SLC9A7: variants seen among roughly 807,000 people sequenced by gnomAD.
The protein encoded by SLC9A7 is solute carrier family 9 member A7, also known as sodium/hydrogen exchanger 7.
Under a neutral mutation model 52.6 loss-of-function variants are expected in SLC9A7, and 19 were observed. That is an observed-to-expected ratio of 0.36 (90% CI 0.25 to 0.53). SLC9A7 has a LOEUF of 0.53. SLC9A7 is among the 20% of genes least tolerant of loss of function. The pLI is 0.91. For missense variants in SLC9A7, 455 were observed against 597.9 expected (o/e 0.76, Z 2.49); for synonymous variants, 226 against 252.1 (o/e 0.90, Z 0.98).
In SLC9A7 at chrX:46,606,572, C is replaced by T; in HGVS notation, c.*380G>A. The T allele has an allele frequency of 1.2e-6, 1 of 809,892 alleles. No homozygotes were observed. The highest frequency in any genetic ancestry group is 1.5e-6 in the Non-Finnish European group (1 of 674,824). 66.7% of individuals were successfully genotyped at this position (809,892 alleles called of 1,213,427 possible). On this transcript the variant is annotated 3_prime_UTR_variant, in exon 17 of 17. Coordinates refer to ENST00000616978, the MANE Select transcript of SLC9A7 (RefSeq NM_001257291.2). ...AATTCTATGGTCAGCTTGACTTGCA[C>T]TGCTGTGTACTGAGATGCAGCCTCT... is the stretch of plus-strand genomic sequence containing the variant.
At chrX:46,680,367 C>A (rs1270882264) in intron 2 of SLC9A7, among the ~76,000 whole-genome samples, 6 of 107,995 alleles carry the variant, frequency 5.6e-5, no homozygotes, top group Non-Finnish European at 1.2e-4. Flanking sequence ...AAAAAAAAAT[C>A]TTGATTTTCA....
In SLC9A7 at chrX:46,606,908, C is replaced by G. The variant is rs547251843; in HGVS notation, c.*44G>C. 1.7e-6 allele frequency: 2 copies of G among 1,206,147 alleles called. No individual in the cohort carries two copies. On this transcript the variant is annotated 3_prime_UTR_variant, in exon 17 of 17. Transcript: ENST00000616978. ...CACTAGGGCTTGCAGCTGTCCTCAC[C>G]CCATCGGGAGCCTACCCCATCGCGC...
chrX:46,715,152 C>A (rs1944750115), intron 1 of SLC9A7, among the ~76,000 whole-genome samples: 1 of 111,946 alleles, frequency 8.9e-6, no homozygotes, highest in Non-Finnish European at 1.9e-5. Flanking sequence ...TCCTTACTCA[C>A]ATTGATATCT....
At chrX:46,747,569 CA>C in intron 1 of SLC9A7, among the ~76,000 whole-genome samples, 4 of 109,614 alleles carry the variant, frequency 3.6e-5, no homozygotes, top group Middle Eastern at 9.6e-3. Flanking sequence ...AAAGCAAATG[CA>C]AAAAAAATTA....
Position 46,682,330 on chromosome X carries a change from G to A in SLC9A7, c.525+6C>T. On this transcript the variant is annotated splice_donor_region_variant and intron_variant, in intron 2 of 16. Coordinates refer to ENST00000616978, the MANE Select transcript of SLC9A7 (RefSeq NM_001257291.2). ...GGACAAGGATGGCTGAGTGTCCCCA[G>A]CTCACCTTCCGTAGCATATCATTCT... 8.3e-7 allele frequency: 1 copy of A among 1,208,747 alleles called. No homozygotes were observed.
At chrX:46,678,379 C>T (rs1302599402) in intron 3 of SLC9A7, among the ~76,000 whole-genome samples, 1 of 109,920 alleles carries the variant, frequency 9.1e-6, no homozygotes, top group African/African-American at 3.3e-5. Flanking sequence ...AGGGAGCCAT[C>T]CATAAATATT....
intron 13 of SLC9A7, among the ~76,000 whole-genome samples, chrX:46,634,894 A>T (rs1209281303): frequency 9.0e-6 from 1 of 111,384 alleles, no homozygotes. Context: ...AGCACCGAGA[A>T]TCAGATCAGG....
intron 1 of SLC9A7, among the ~76,000 whole-genome samples, chrX:46,699,998 G>A (rs2146912466): frequency 1.8e-5 from 2 of 109,633 alleles, no homozygotes; most frequent in East Asian, 5.7e-4. Flanking sequence ...GTGGCTACTC[G>A]GGAGGCTGAG....
intron 14 of SLC9A7, among the ~76,000 whole-genome samples, chrX:46,628,663 T>G (rs1569503858): frequency 8.9e-6 from 1 of 112,353 alleles, no homozygotes. Flanking sequence ...TTGTTTGTTG[T>G]TTTTAGGAAG....
intron 5 of SLC9A7, among the ~76,000 whole-genome samples, chrX:46,667,877 T>C (rs1481064041): frequency 1.8e-5 from 2 of 111,840 alleles, no homozygotes; most frequent in Non-Finnish European, 3.8e-5. Flanking sequence ...GGTTTCAACT[T>C]GGAAAGGAGA....
At chrX:46,716,364 C>G (rs1212561105) in intron 1 of SLC9A7, among the ~76,000 whole-genome samples, 1 of 111,688 alleles carries the variant, frequency 9.0e-6, no homozygotes. Context: ...ATTGATAAAC[C>G]AAGAAAGGAA....
rs1186323163 is a variant in SLC9A7 at position 46,714,643 on chromosome X, C to T, written c.326-32108G>A. On this transcript the variant is annotated intron_variant, in intron 1 of 16. Transcript: ENST00000616978. ...AATATTTTTTGAGATCCTACTATGT[C>T]CCAGGCACTGTTCTAGTGTTTGGAG... Among the ~76,000 whole-genome samples the T allele has an allele frequency of 2.0e-4, 22 of 112,054 alleles. 2 individuals carry two copies. In the Admixed American group the frequency reaches 2.1e-3, roughly 11 times the overall value.
At chrX:46,666,072 A>G (rs1330214736) in intron 5 of SLC9A7, among the ~76,000 whole-genome samples, 1 of 111,105 alleles carries the variant, frequency 9.0e-6, no homozygotes, top group Admixed American at 9.6e-5. Flanking sequence ...CCTTCATATC[A>G]GTCAATACCA....
intron 1 of SLC9A7, among the ~76,000 whole-genome samples, chrX:46,738,032 AAAG>A (rs1945151523): frequency 5.5e-4 from 2 of 3,631 alleles, no homozygotes; most frequent in Non-Finnish European, 1.2e-3. Flanking sequence ...GTCTCAAAAA[AAAG>A]AAAGAAAGAA....
At chrX:46,739,448 A>ATC (rs531899878) in intron 1 of SLC9A7, among the ~76,000 whole-genome samples, 2,237 of 104,949 alleles carry the variant, frequency 0.021, 58 homozygotes, top group African/African-American at 0.072. Flanking sequence ...GACTCCTATC[A>ATC]TCTCTCTCTC....
chrX:46,691,103 A>G (rs1016944760), intron 1 of SLC9A7, among the ~76,000 whole-genome samples: 2 of 111,759 alleles, frequency 1.8e-5, no homozygotes, highest in African/African-American at 6.5e-5. Flanking sequence ...ATGTTCCTCA[A>G]TTTAATTGAC....
chrX:46,758,638 C>T, intron 1 of SLC9A7, 67 bp downstream of exon 1: 3 of 744,142 alleles, frequency 4.0e-6, no homozygotes, highest in Admixed American at 7.6e-5. Context: ...GGGAGCACCG[C>T]GCGGCGCCAG....
chrX:46,690,253 A>G (rs768100841), intron 1 of SLC9A7, among the ~76,000 whole-genome samples: 1 of 112,276 alleles, frequency 8.9e-6, no homozygotes, highest in East Asian at 2.8e-4. Context: ...GGTATTGCCA[A>G]TATCTCTCAT....
chrX:46,645,854 C>A (rs1310754362), intron 11 of SLC9A7, among the ~76,000 whole-genome samples: 1 of 110,860 alleles, frequency 9.0e-6, no homozygotes, highest in Non-Finnish European at 1.9e-5. Context: ...CACTCCTACC[C>A]CTTACAAGTC....
Sources: allele counts gnomAD v4.1 joint callset (sites outside exome capture counted in the v4.1 genomes callset), GRCh38; gene constraint gnomAD v4.1.1; transcripts MANE v1.5; gene names NCBI Gene and HGNC (gene_info 2026-07-23, HGNC 2026-07-21).